Variants in PDE10A observed in about 807,000 individuals in gnomAD.
PDE10A encodes cAMP and cAMP-inhibited cGMP 3',5'-cyclic phosphodiesterase 10A.
A neutral mutation model predicts 97.7 loss-of-function variants in PDE10A; 39 were observed. The observed-to-expected ratio is 0.40, with a 90% CI of 0.31 to 0.52. The LOEUF (loss-of-function observed/expected upper bound fraction) is 0.52. Ranked by LOEUF, PDE10A falls within the 20% of genes least tolerant of loss-of-function variation. The probability of loss-of-function intolerance (pLI) is 0.56; values close to 1 mark genes in which losing one functional copy is unlikely to be tolerated. For missense variants in PDE10A, 731 were observed against 1,047.8 expected, an observed-to-expected ratio of 0.70 and a Z score of 4.17; for synonymous variants, 371 against 376.8, an observed-to-expected ratio of 0.98 and a Z score of 0.18.
chr6:165,584,599 G>A (rs536227625), intron 1 of PDE10A, among the ~76,000 whole-genome samples: 22 of 152,302 alleles, frequency 1.4e-4, no homozygotes, highest in Admixed American at 5.2e-4. Context: ...CAAAGCCTTA[G>A]TTATTCCTTT....
chr6:165,510,052 T>C (rs1781423218), intron 2 of PDE10A, among the ~76,000 whole-genome samples: 1 of 152,020 alleles, frequency 6.6e-6, no homozygotes, highest in Admixed American at 6.6e-5. Flanking sequence ...TTTTCCAACT[T>C]GGATGCCTTT....
At position 165,343,410 on chromosome 6, in the gene PDE10A, T is replaced by C; in HGVS notation, c.2876A>G (p.Tyr959Cys). Reference sequence around the variant, plus strand: ...ACATACCTCAGCCCAGAATTCTGCATATATATCATTTGCCGTCAATTTTGT... The same window carrying C: ...ACATACCTCAGCCCAGAATTCTGCACATATATCATTTGCCGTCAATTTTGT... ...PVTKLTANDI[Y>C]AEFWAEGDEM... The change falls in exon 19 of 22, where the codon TAT becomes TGT. Residue 959 changes from tyrosine to cysteine, a missense_variant. By Grantham distance (194) the Tyr-to-Cys change is radical. Transcript: ENST00000539869. The C allele has an allele frequency of 1.2e-6, 2 of 1,612,878 alleles. No homozygotes were observed. The highest frequency in any genetic ancestry group is 1.7e-6 in the Non-Finnish European group (2 of 1,178,912).
At chr6:165,913,982 C>T (rs1782536891) in intron 1 of PDE10A, among the ~76,000 whole-genome samples, 1 of 152,322 alleles carries the variant, frequency 6.6e-6, no homozygotes, top group South Asian at 2.1e-4. Context: ...GCAGCTAAAG[C>T]ATAATGTTTT....
chr6:165,503,001 A>G (rs1780983272), intron 2 of PDE10A, among the ~76,000 whole-genome samples: 1 of 152,222 alleles, frequency 6.6e-6, no homozygotes, highest in South Asian at 2.1e-4. Flanking sequence ...TATGTAAATT[A>G]TACCTCAATA....
intron 1 of PDE10A, among the ~76,000 whole-genome samples, chr6:165,905,198 C>T (rs973516367): frequency 1.3e-5 from 2 of 152,218 alleles, no homozygotes; most frequent in South Asian, 2.1e-4. Context: ...ATTTTCATAC[C>T]ATAACCTTAC....
intron 1 of PDE10A, among the ~76,000 whole-genome samples, chr6:165,827,646 T>C (rs1399091165): frequency 6.6e-6 from 1 of 152,220 alleles, no homozygotes; most frequent in Admixed American, 6.5e-5. Flanking sequence ...TTTAAATCTG[T>C]TTTCTTTCTA....
At chr6:165,636,578 A>G (rs919626121) in intron 1 of PDE10A, among the ~76,000 whole-genome samples, 2 of 152,160 alleles carry the variant, frequency 1.3e-5, no homozygotes, top group African/African-American at 4.8e-5. Flanking sequence ...TGAGGCCCCA[A>G]CTGTATCCCC....
intron 3 of PDE10A, among the ~76,000 whole-genome samples, chr6:165,465,449 G>A (rs1232196077): frequency 6.6e-6 from 1 of 152,210 alleles, no homozygotes; most frequent in Non-Finnish European, 1.5e-5. Context: ...CAGTGTAACT[G>A]AGCACAGAAG....
chr6:165,944,813 T>C (rs1179487214), intron 1 of PDE10A, among the ~76,000 whole-genome samples: 1 of 152,172 alleles, frequency 6.6e-6, no homozygotes, highest in Non-Finnish European at 1.5e-5. Flanking sequence ...AATATGTCAC[T>C]GTGCAAAGAA....
intron 1 of PDE10A, among the ~76,000 whole-genome samples, chr6:165,823,389 G>C (rs1196813128): frequency 6.7e-6 from 1 of 148,494 alleles, no homozygotes; most frequent in Non-Finnish European, 1.5e-5. Context: ...CCATTGGAAG[G>C]TCTTCAGGGA....
intron 3 of PDE10A, among the ~76,000 whole-genome samples, chr6:165,458,794 T>C (rs532088572): frequency 6.6e-6 from 1 of 152,128 alleles, no homozygotes; most frequent in African/African-American, 2.4e-5. Context: ...AAAAGAACAT[T>C]CCCTTACAAG....
intron 1 of PDE10A, among the ~76,000 whole-genome samples, chr6:165,685,699 G>T (rs1001510655): frequency 6.6e-6 from 1 of 152,218 alleles, no homozygotes; most frequent in Non-Finnish European, 1.5e-5. Context: ...CTCCACAGAG[G>T]ACCATCCACA....
intron 1 of PDE10A, among the ~76,000 whole-genome samples, chr6:165,849,649 C>G (rs148937503): frequency 6.6e-6 from 1 of 152,324 alleles, no homozygotes; most frequent in African/African-American, 2.4e-5. Flanking sequence ...TTCACACCAT[C>G]TCGGTGCCAG....
At chr6:165,890,482 T>A (rs190618928) in intron 1 of PDE10A, among the ~76,000 whole-genome samples, 142 of 152,324 alleles carry the variant, frequency 9.3e-4, no homozygotes, top group African/African-American at 3.4e-3. Context: ...CTCCTGAGTA[T>A]GTGTGGACCT....
At chr6:165,894,190 G>C (rs1242670853) in intron 1 of PDE10A, 3 of 405,336 alleles carry the variant, frequency 7.4e-6, no homozygotes, top group Non-Finnish European at 1.5e-5. Flanking sequence ...TTCCCAAAGA[G>C]TGCTTTCCGA....
chr6:165,621,019 C>CAAA (rs554929440), intron 1 of PDE10A, among the ~76,000 whole-genome samples: 29 of 107,384 alleles, frequency 2.7e-4, no homozygotes, highest in African/African-American at 9.5e-4. Flanking sequence ...GACTCTGTCT[C>CAAA]AAAAAAAAAA....
At chr6:165,411,224 TAACAACACA>T (rs1414224451) in intron 13 of PDE10A, among the ~76,000 whole-genome samples, 1 of 150,858 alleles carries the variant, frequency 6.6e-6, no homozygotes, top group African/African-American at 2.4e-5. Context: ...GCAGATGAGA[TAACAACACA>T]GTACTTGTGA....
chr6:165,443,646 GC>G (rs1472635606), intron 5 of PDE10A, among the ~76,000 whole-genome samples: 1 of 152,190 alleles, frequency 6.6e-6, no homozygotes, highest in Non-Finnish European at 1.5e-5. Flanking sequence ...CACTGCACTA[GC>G]AGAGGTTCTC....
At chr6:165,739,792 T>C (rs1177384678) in intron 1 of PDE10A, among the ~76,000 whole-genome samples, 1 of 152,106 alleles carries the variant, frequency 6.6e-6, no homozygotes, top group East Asian at 1.9e-4. Flanking sequence ...CATAACCTGC[T>C]TAAAAATAGG....
Sources: gnomAD v4.1 joint callset for allele counts (sites outside exome capture counted in the v4.1 genomes callset) on GRCh38, gnomAD v4.1.1 for gene constraint, MANE v1.5 for transcripts, NCBI Gene and HGNC (gene_info 2026-07-23, HGNC 2026-07-21) for gene names.